Variants in DOCK4 observed in about 807,000 individuals in gnomAD.
DOCK4 encodes dedicator of cytokinesis protein 4.
Under a neutral mutation model 268.1 loss-of-function variants are expected in DOCK4, and 97 were observed. The ratio of observed to expected loss-of-function variants is 0.36; its 90% CI spans 0.31 to 0.43. The LOEUF is 0.43. Ranked by LOEUF, DOCK4 falls within the 20% of genes least tolerant of loss-of-function variation. The pLI is 1.00. For synonymous variants in DOCK4, 954 were observed against 887.2 expected, an observed-to-expected ratio of 1.08 and a Z score of -1.34; for missense variants, 2,145 against 2,455.7, an observed-to-expected ratio of 0.87 and a Z score of 2.67.
intron 1 of DOCK4, among the ~76,000 whole-genome samples, chr7:112,014,446 G>A (rs753874608): frequency 3.3e-5 from 5 of 152,066 alleles, no homozygotes; most frequent in East Asian, 3.9e-4. Context: ...CCACAAAAGC[G>A]AACTGGAAGA....
intron 1 of DOCK4, among the ~76,000 whole-genome samples, chr7:112,063,364 T>G (rs551189737): frequency 2.6e-5 from 4 of 152,338 alleles, no homozygotes; most frequent in Admixed American, 6.5e-5. Flanking sequence ...ATAAACCCAT[T>G]GTAAACTGAA....
intron 1 of DOCK4, among the ~76,000 whole-genome samples, chr7:112,204,398 C>G (rs1396314569): frequency 1.3e-5 from 2 of 152,196 alleles, no homozygotes; most frequent in African/African-American, 4.8e-5. Context: ...GTTAAAGCCG[C>G]TTAGGAGGCG....
rs61696712 is a variant in DOCK4 at position 112,061,739 on chromosome 7, TCACACACA to T, written c.38-57616_38-57609del. ...ATATTCTGGGAAGATATTAACAATG[TCACACACA>T]CACACACACACACACACACACACAC... On this transcript the variant is annotated intron_variant, in intron 1 of 52. Coordinates refer to ENST00000428084, the MANE Select transcript of DOCK4 (RefSeq NM_001363540.2). 6.0e-3 allele frequency among the ~76,000 whole-genome samples: 829 copies of T among 137,216 alleles called. 4 individuals are homozygous for T. The highest frequency in any genetic ancestry group is 0.01 in the Admixed American group (144 of 13,766). The allele number at this position is 137,216 out of a possible 152,430, so 90.0% of individuals were successfully genotyped here.
chr7:111,869,402 C>T (rs1806237856), intron 21 of DOCK4, 172 bp downstream of exon 21: 1 of 610,190 alleles, frequency 1.6e-6, no homozygotes, highest in Non-Finnish European at 3.0e-6. Context: ...TGGCAAAGTC[C>T]CCTTCAAATT....
intron 8 of DOCK4, among the ~76,000 whole-genome samples, chr7:111,970,559 GGA>G (rs1797629696): frequency 6.6e-6 from 1 of 152,124 alleles, no homozygotes; most frequent in Admixed American, 6.5e-5. Flanking sequence ...CTTGAGGGCT[GGA>G]GAAGCCATAA....
At chr7:112,012,344 CAA>C (rs111700199) in intron 1 of DOCK4, among the ~76,000 whole-genome samples, 6 of 130,344 alleles carry the variant, frequency 4.6e-5, no homozygotes, top group Non-Finnish European at 5.0e-5. Flanking sequence ...GATAAGGCAG[CAA>C]AAAAAAAAAA....
At chr7:112,019,756 T>C (rs2135404712) in intron 1 of DOCK4, among the ~76,000 whole-genome samples, 2 of 152,350 alleles carry the variant, frequency 1.3e-5, no homozygotes, top group African/African-American at 4.8e-5. Flanking sequence ...TTTTAATCAC[T>C]GAGTTTTAAG....
At position 111,963,296 on chromosome 7, in the gene DOCK4, C is replaced by A. The variant is rs538156231; in HGVS notation, c.701+13836G>T. ...ATTTCTGCATTTCCATCTGAGGTAC[C>A]GGGTTCATCTCACTAGGGAGTGCCA... On this transcript the variant is annotated intron_variant, in intron 8 of 52. Transcript: ENST00000428084. 2.8e-3 allele frequency among the ~76,000 whole-genome samples: 403 copies of A among 146,466 alleles called. 2 individuals are homozygous for A. Among genetic ancestry groups the A allele is most frequent in the African/African-American group, 0.01 (382 of 38,166 alleles).
At chr7:112,129,610 T>C (rs1813608182) in intron 1 of DOCK4, among the ~76,000 whole-genome samples, 1 of 152,208 alleles carries the variant, frequency 6.6e-6, no homozygotes, top group African/African-American at 2.4e-5. Flanking sequence ...TATAACTGTA[T>C]AAGATGTCAC....
chr7:112,171,372 AT>A lies in DOCK4; in HGVS notation c.37+34729del, dbSNP rs200430212. 5.1e-3 allele frequency among the ~76,000 whole-genome samples: 779 copies of A among 151,914 alleles called. 4 individuals are homozygous for A. Among genetic ancestry groups the A allele is most frequent in the Non-Finnish European group, 8.2e-3 (558 of 67,886 alleles). ...GTAATGAGAATTCTGACCATGTCAT[AT>A]TTTTTTTCATTAAATATAATCCATG... is the stretch of plus-strand genomic sequence containing the variant. On this transcript the variant is annotated intron_variant, in intron 1 of 52. Coordinates refer to ENST00000428084, the MANE Select transcript of DOCK4 (RefSeq NM_001363540.2).
At chr7:111,808,800 G>A (rs777465704) in intron 30 of DOCK4, 21 bp downstream of exon 30, 44 of 1,607,804 alleles carry the variant, frequency 2.7e-5, no homozygotes, top group Non-Finnish European at 3.7e-5. Flanking sequence ...AGTAGATGTG[G>A]CTTCTCTTTT....
chr7:111,940,360 C>A (rs765075068), intron 10 of DOCK4, 118 bp from the exon 11 acceptor site: 2 of 1,357,178 alleles, frequency 1.5e-6, no homozygotes, highest in South Asian at 2.6e-5. Context: ...ATAAAGAGCA[C>A]CCAGGTTGGG....
chr7:112,089,885 A>G (rs1344952088), intron 1 of DOCK4, among the ~76,000 whole-genome samples: 1 of 152,140 alleles, frequency 6.6e-6, no homozygotes, highest in Admixed American at 6.5e-5. Context: ...TAAATTACCC[A>G]GTTTCAGGTG....
chr7:111,837,448 A>G (rs1803321104), intron 25 of DOCK4, among the ~76,000 whole-genome samples: 1 of 152,218 alleles, frequency 6.6e-6, no homozygotes, highest in Non-Finnish European at 1.5e-5. Flanking sequence ...CAGGTTTGAA[A>G]GGAATTTTTA....
intron 39 of DOCK4, among the ~76,000 whole-genome samples, chr7:111,764,310 T>C (rs566695564): frequency 3.3e-4 from 50 of 152,350 alleles, no homozygotes; most frequent in African/African-American, 1.1e-3. Flanking sequence ...CCCATCCTAG[T>C]ATTCTGTCAT....
chr7:112,125,164 C>G (rs1253387715), intron 1 of DOCK4, among the ~76,000 whole-genome samples: 1 of 152,134 alleles, frequency 6.6e-6, no homozygotes, highest in Non-Finnish European at 1.5e-5. Context: ...ATAATATCCA[C>G]TATTTTCTAT....
chr7:112,057,743 C>A (rs1451235628), intron 1 of DOCK4, among the ~76,000 whole-genome samples: 2 of 151,412 alleles, frequency 1.3e-5, no homozygotes, highest in African/African-American at 2.4e-5. Flanking sequence ...TCACTGCACT[C>A]CAACCTGGGC....
chr7:111,932,956 A>G (rs1794317195), intron 12 of DOCK4, among the ~76,000 whole-genome samples: 1 of 151,816 alleles, frequency 6.6e-6, no homozygotes, highest in South Asian at 2.1e-4. Context: ...CTACCAATGA[A>G]TTCCACAAGA....
At chr7:111,857,536 T>C (rs1025892880) in intron 23 of DOCK4, among the ~76,000 whole-genome samples, 4 of 152,238 alleles carry the variant, frequency 2.6e-5, no homozygotes, top group Admixed American at 6.5e-5. Context: ...GGGATTTGCC[T>C]GATAAACTGT....
Sources: gnomAD v4.1 joint callset for allele counts (sites outside exome capture counted in the v4.1 genomes callset) on GRCh38, gnomAD v4.1.1 for gene constraint, MANE v1.5 for transcripts, NCBI Gene and HGNC (gene_info 2026-07-23, HGNC 2026-07-21) for gene names.